Variants in RANBP2 observed in about 807,000 individuals in gnomAD.
RANBP2 encodes E3 SUMO-protein ligase RanBP2.
RANBP2 carries 57 observed loss-of-function variants against 303.6 expected under a neutral mutation model. That is an observed-to-expected ratio of 0.19 (90% CI 0.15 to 0.23). RANBP2 has a LOEUF of 0.23. RANBP2 is among the 10% of genes least tolerant of loss of function. RANBP2 has a pLI of 1.00. For missense variants in RANBP2, 3,138 were observed against 3,780.8 expected, an observed-to-expected ratio of 0.83 and a Z score of 4.46; for synonymous variants, 1,167 against 1,301.5, an observed-to-expected ratio of 0.90 and a Z score of 2.23.
chr2:109,558,359 C>T, the RANBP2 span, among the ~76,000 whole-genome samples: 99 of 152,104 alleles, frequency 6.5e-4, 1 homozygote, highest in South Asian at 2.1e-4. Flanking sequence ...ACGTCAAATA[C>T]TTAAACAACT....
At chr2:109,369,224 T>G in the RANBP2 span, among the ~76,000 whole-genome samples, 1 of 142,934 alleles carries the variant, frequency 7.0e-6, no homozygotes, top group Non-Finnish European at 1.5e-5. Flanking sequence ...GGTGAGCACC[T>G]GTAGTCCCAG....
the RANBP2 span, among the ~76,000 whole-genome samples, chr2:109,435,011 T>A: frequency 6.6e-6 from 1 of 152,210 alleles, no homozygotes; most frequent in South Asian, 2.1e-4. Flanking sequence ...GCTGTGCACC[T>A]CATGGTTGCT....
the RANBP2 span, among the ~76,000 whole-genome samples, chr2:109,518,465 G>A: frequency 6.6e-6 from 1 of 152,198 alleles, no homozygotes; most frequent in African/African-American, 2.4e-5. Flanking sequence ...CTCAGTGTCT[G>A]CAGACCCCAG....
At chr2:109,572,692 C>G in the RANBP2 span, among the ~76,000 whole-genome samples, 3 of 147,130 alleles carry the variant, frequency 2.0e-5, no homozygotes, top group African/African-American at 7.5e-5. Context: ...TCTCGGATTA[C>G]CACAACCTCC....
the RANBP2 span, among the ~76,000 whole-genome samples, chr2:109,682,097 T>C: frequency 6.6e-6 from 1 of 152,346 alleles, no homozygotes; most frequent in South Asian, 2.1e-4. Flanking sequence ...AAGGGGATGT[T>C]CTTTTGAAAA....
chr2:109,302,570 T>C, the RANBP2 span, among the ~76,000 whole-genome samples: 22 of 152,372 alleles, frequency 1.4e-4, no homozygotes, highest in South Asian at 4.6e-3. Context: ...TGTGCTGTGC[T>C]GCTGACAGTG....
chr2:109,581,355 T>C, the RANBP2 span, among the ~76,000 whole-genome samples: 29 of 151,892 alleles, frequency 1.9e-4, no homozygotes, highest in Admixed American at 3.3e-4. Flanking sequence ...GAGAATCACC[T>C]GAACCCAGGA....
At chr2:109,495,406 G>A in the RANBP2 span, among the ~76,000 whole-genome samples, 86 of 150,250 alleles carry the variant, frequency 5.7e-4, no homozygotes, top group Non-Finnish European at 9.9e-4. Flanking sequence ...ATCAAGTATC[G>A]TAGAGAGGCT....
the RANBP2 span, among the ~76,000 whole-genome samples, chr2:109,528,877 G>A: frequency 1.3e-5 from 2 of 152,204 alleles, no homozygotes; most frequent in African/African-American, 4.8e-5. Flanking sequence ...GGGTGCAGAA[G>A]GGTCGGTGTA....
the RANBP2 span, among the ~76,000 whole-genome samples, chr2:109,110,153 T>C: frequency 3.9e-5 from 6 of 152,354 alleles, no homozygotes; most frequent in East Asian, 1.2e-3. Flanking sequence ...TTTTGTGCAA[T>C]GGCATGTAGC....
the RANBP2 span, among the ~76,000 whole-genome samples, chr2:109,629,231 T>TAAAA: frequency 2.6e-5 from 3 of 113,996 alleles, no homozygotes; most frequent in Non-Finnish European, 5.3e-5. Context: ...AATAAATAAA[T>TAAAA]AAATAAAATG....
At chr2:109,558,726 A>G in the RANBP2 span, among the ~76,000 whole-genome samples, 5 of 152,304 alleles carry the variant, frequency 3.3e-5, no homozygotes, top group African/African-American at 1.2e-4. Context: ...CTGGCAACAA[A>G]GAGGGCCAGG....
At chr2:109,106,882 G>C in the RANBP2 span, among the ~76,000 whole-genome samples, 1 of 150,582 alleles carries the variant, frequency 6.6e-6, no homozygotes, top group Non-Finnish European at 1.5e-5. Flanking sequence ...TAATCCCTTA[G>C]TGTTTTTTCC....
the RANBP2 span, among the ~76,000 whole-genome samples, chr2:108,860,550 A>C: frequency 2.0e-5 from 3 of 148,360 alleles, no homozygotes; most frequent in Non-Finnish European, 4.5e-5. Flanking sequence ...GTTGGATTTT[A>C]TCTCATGTTT....
chr2:109,585,862 C>A, the RANBP2 span: 1 of 1,583,228 alleles, frequency 6.3e-7, no homozygotes, highest in South Asian at 1.1e-5. Flanking sequence ...AAAACAAAAA[C>A]AACAGCAATA....
At chr2:109,589,969 A>G in the RANBP2 span, among the ~76,000 whole-genome samples, 1 of 152,044 alleles carries the variant, frequency 6.6e-6, no homozygotes. Context: ...CTGAGGTCAG[A>G]GTTTTTAAAA....
the RANBP2 span, among the ~76,000 whole-genome samples, chr2:108,872,208 T>C: frequency 6.6e-6 from 1 of 152,090 alleles, no homozygotes; most frequent in Non-Finnish European, 1.5e-5. Context: ...GTCTGATCAT[T>C]TTCTCTTCTT....
At chr2:109,345,496 C>G in the RANBP2 span, among the ~76,000 whole-genome samples, 1 of 152,106 alleles carries the variant, frequency 6.6e-6, no homozygotes, top group Non-Finnish European at 1.5e-5. Flanking sequence ...GCTTTTAAGC[C>G]TCACCCTTGT....
At chr2:109,365,056 A>AAACAAACC in the RANBP2 span, among the ~76,000 whole-genome samples, 3 of 150,652 alleles carry the variant, frequency 2.0e-5, no homozygotes, top group Non-Finnish European at 4.4e-5. Context: ...CATATAAAAC[A>AAACAAACC]AACAAACAAA....
Sources: gnomAD v4.1 joint callset for allele counts (sites outside exome capture counted in the v4.1 genomes callset) on GRCh38, gnomAD v4.1.1 for gene constraint, MANE v1.5 for transcripts, NCBI Gene and HGNC (gene_info 2026-07-23, HGNC 2026-07-21) for gene names.